Variants in CHST11 observed in about 807,000 individuals in gnomAD.
The protein encoded by CHST11 is C4S-1.
Under a neutral mutation model 30.4 loss-of-function variants are expected in CHST11, and 9 were observed. The observed-to-expected ratio is 0.30, with a 90% CI of 0.18 to 0.52. The LOEUF is 0.52. Ranked by LOEUF, CHST11 falls within the 20% of genes least tolerant of loss-of-function variation. The pLI, the probability that CHST11 is intolerant of heterozygous loss-of-function variation, is 0.97. For synonymous variants in CHST11, 152 were observed against 187.8 expected, an observed-to-expected ratio of 0.81 and a Z score of 1.56; for missense variants, 348 against 460.6, an observed-to-expected ratio of 0.76 and a Z score of 2.24.
chr12:104,550,831 G>T (rs1485273116), intron 1 of CHST11, among the ~76,000 whole-genome samples: 1 of 152,200 alleles, frequency 6.6e-6, no homozygotes, highest in African/African-American at 2.4e-5. Flanking sequence ...GCCACTTTAT[G>T]TAAGTATATA....
At position 104,568,231 on chromosome 12, in the gene CHST11, G is replaced by A. The variant is rs573600238; in HGVS notation, c.119-33675G>A. Reference sequence around the variant, plus strand: ...GGCCTGGTGCTTTGCCTGGCGAGAGGAGTCAGACTTTCCTCTCTTGCTGCA... The same window carrying A: ...GGCCTGGTGCTTTGCCTGGCGAGAGAAGTCAGACTTTCCTCTCTTGCTGCA... On this transcript the variant is annotated intron_variant, in intron 1 of 2. Coordinates refer to ENST00000303694, the MANE Select transcript of CHST11 (RefSeq NM_018413.6). Among the ~76,000 whole-genome samples, 4 of 152,282 alleles carry A rather than the reference G, an allele frequency of 2.6e-5. No homozygotes were observed. The South Asian group carries it at 6.2e-4, about 24-fold the overall frequency.
At chr12:104,574,563 C>T (rs941902911) in intron 1 of CHST11, among the ~76,000 whole-genome samples, 221 of 152,176 alleles carry the variant, frequency 1.5e-3, no homozygotes, top group Non-Finnish European at 2.0e-3. Flanking sequence ...TTTGTAGGGA[C>T]ATGGATGAAG....
chr12:104,554,103 A>G (rs555360492), intron 1 of CHST11, among the ~76,000 whole-genome samples: 1 of 152,312 alleles, frequency 6.6e-6, no homozygotes, highest in South Asian at 2.1e-4. Context: ...AAGGGACGTT[A>G]TAATCTTATA....
chr12:104,527,389 C>CT (rs1271751126), intron 1 of CHST11, among the ~76,000 whole-genome samples: 2 of 152,166 alleles, frequency 1.3e-5, no homozygotes, highest in Non-Finnish European at 2.9e-5. Context: ...CACAGGAGGT[C>CT]TTTTGTCTCT....
chr12:104,650,801 GCA>G (rs1307767585), intron 2 of CHST11, among the ~76,000 whole-genome samples: 1 of 152,212 alleles, frequency 6.6e-6, no homozygotes, highest in Non-Finnish European at 1.5e-5. Flanking sequence ...CCAGGATCCT[GCA>G]CACAGCAGGT....
chr12:104,508,923 C>T (rs527865522), intron 1 of CHST11, among the ~76,000 whole-genome samples: 14 of 152,170 alleles, frequency 9.2e-5, no homozygotes, highest in Non-Finnish European at 1.8e-4. Flanking sequence ...ACCACTGCCG[C>T]GCCACCACCA....
At chr12:104,705,918 TA>T (rs55961743) in intron 2 of CHST11, among the ~76,000 whole-genome samples, 100,405 of 149,190 alleles carry the variant, frequency 0.67, 34,560 homozygotes, top group African/African-American at 0.85. Context: ...TCTCAAAAAA[TA>T]AAAAAAAAAA....
In CHST11 at chr12:104,565,799, A is replaced by G. The variant is rs533961635; in HGVS notation, c.119-36107A>G. On this transcript the variant is annotated intron_variant, in intron 1 of 2. Coordinates refer to ENST00000303694, the MANE Select transcript of CHST11 (RefSeq NM_018413.6). ...ATTAGGGTGCTCTGTTGTTCTTCTC[A>G]GCAGGCCCTTGAAATTGGGCAGACT... Among the ~76,000 whole-genome samples the G allele has an allele frequency of 2.0e-5, 3 of 152,314 alleles. No individual in the cohort carries two copies. In the East Asian group the frequency reaches 5.8e-4, roughly 29 times the overall value.
chr12:104,722,155 A>AGTGTGTGTATGT (rs141001892), intron 2 of CHST11, among the ~76,000 whole-genome samples: 18 of 137,482 alleles, frequency 1.3e-4, no homozygotes, highest in African/African-American at 5.3e-4. Flanking sequence ...CACTCAGCTA[A>AGTGTGTGTATGT]GTGTGTGTGT....
At chr12:104,703,170 C>G (rs1228167244) in intron 2 of CHST11, among the ~76,000 whole-genome samples, 1 of 152,230 alleles carries the variant, frequency 6.6e-6, no homozygotes, top group Non-Finnish European at 1.5e-5. Flanking sequence ...AGCACAGTGC[C>G]TGGGCCATAG....
intron 1 of CHST11, among the ~76,000 whole-genome samples, chr12:104,484,435 A>G (rs1008704162): frequency 6.6e-6 from 1 of 152,218 alleles, no homozygotes; most frequent in Non-Finnish European, 1.5e-5. Flanking sequence ...TCATTTATTC[A>G]TTAAATAGTT....
rs1189259353 is a variant in CHST11, at chr12:104,612,379, C to T, written c.204+10388C>T. On this transcript the variant is annotated intron_variant, in intron 2 of 2. Coordinates refer to ENST00000303694, the MANE Select transcript of CHST11 (RefSeq NM_018413.6). ...TTTGGCTTCCTTGCTCTGATTGCTGCCTTCATCTTCACATGGTGCTCCCCC... is the reference window on the plus strand; with the variant it reads ...TTTGGCTTCCTTGCTCTGATTGCTGTCTTCATCTTCACATGGTGCTCCCCC... Among the ~76,000 whole-genome samples the T allele has an allele frequency of 4.6e-5, 7 of 152,358 alleles. 1 individual carries two copies. In the South Asian group the frequency reaches 1.2e-3, roughly 27 times the overall value.
At chr12:104,604,138 C>A (rs1236958295) in intron 2 of CHST11, among the ~76,000 whole-genome samples, 1 of 152,112 alleles carries the variant, frequency 6.6e-6, no homozygotes, top group Admixed American at 6.5e-5. Context: ...CCATTGTAAA[C>A]CAGTCATAGA....
At chr12:104,754,814 CTG>C (rs2040461412) in intron 2 of CHST11, among the ~76,000 whole-genome samples, 1 of 152,208 alleles carries the variant, frequency 6.6e-6, no homozygotes, top group African/African-American at 2.4e-5. Flanking sequence ...TGTTGGTACT[CTG>C]TCTTGGTTTG....
chr12:104,459,452 C>T (rs1025247050), intron 1 of CHST11, among the ~76,000 whole-genome samples: 1 of 152,220 alleles, frequency 6.6e-6, no homozygotes, highest in African/African-American at 2.4e-5. Flanking sequence ...ATGCTCTGTA[C>T]GAATGCCCAG....
intron 1 of CHST11, among the ~76,000 whole-genome samples, chr12:104,509,766 A>C (rs996434422): frequency 5.3e-5 from 8 of 152,186 alleles, no homozygotes; most frequent in Non-Finnish European, 1.2e-4. Context: ...TGGGGCCTCT[A>C]ATTTTGATAT....
At chr12:104,665,796 T>TTC (rs1039686758) in intron 2 of CHST11, among the ~76,000 whole-genome samples, 1 of 145,316 alleles carries the variant, frequency 6.9e-6, no homozygotes, top group Non-Finnish European at 1.5e-5. Context: ...CCCTTTCTCT[T>TTC]TCTCTCTCTC....
intron 2 of CHST11, among the ~76,000 whole-genome samples, chr12:104,741,539 C>T (rs1172891550): frequency 1.3e-5 from 2 of 152,182 alleles, no homozygotes; most frequent in African/African-American, 2.4e-5. Context: ...TTCCATGAAT[C>T]CTTTACAGTC....
rs573574951 is a variant in CHST11, at chr12:104,706,664, A to T, written c.205-50285A>T. On this transcript the variant is annotated intron_variant, in intron 2 of 2. Transcript: ENST00000303694. ...GGTCTCTTTTCACTGTTTTTGTCTC[A>T]TTGGAAGTGGGCTTTCTGACACGAG... Among the ~76,000 whole-genome samples, 41 of 152,180 alleles carry T rather than the reference A, an allele frequency of 2.7e-4. 1 individual carries two copies. In the South Asian group the frequency reaches 8.3e-3, roughly 31 times the overall value.
Sources: gnomAD v4.1 joint callset for allele counts (sites outside exome capture counted in the v4.1 genomes callset) on GRCh38, gnomAD v4.1.1 for gene constraint, MANE v1.5 for transcripts, NCBI Gene and HGNC (gene_info 2026-07-23, HGNC 2026-07-21) for gene names.